ZNF438: variants seen among roughly 807,000 people sequenced by gnomAD.
ZNF438 encodes the protein zinc finger protein 438.
ZNF438 carries 25 observed loss-of-function variants against 38.0 expected under a neutral mutation model. The ratio of observed to expected loss-of-function variants is 0.66; its 90% confidence interval spans 0.48 to 0.92. ZNF438 has a LOEUF of 0.92. Among genes scored for constraint, ZNF438 ranks in the 40% least tolerant of loss-of-function variants. The pLI, the probability that ZNF438 is intolerant of heterozygous loss-of-function variation, is 0.00. For synonymous variants in ZNF438, 372 were observed against 364.1 expected (o/e 1.02, Z -0.25); for missense variants, 1,007 against 999.6 (o/e 1.01, Z -0.10).
chr10:30,945,815 G>C (rs1283612951), intron 1 of ZNF438, among the ~76,000 whole-genome samples: 2 of 107,370 alleles, frequency 1.9e-5, no homozygotes, highest in African/African-American at 7.4e-5. Context: ...TTGGACATTT[G>C]GGTTGGTTCC....
intron 2 of ZNF438, among the ~76,000 whole-genome samples, chr10:30,930,160 G>A (rs1589250378): frequency 6.6e-6 from 1 of 152,162 alleles, no homozygotes; most frequent in African/African-American, 2.4e-5. Context: ...GGTGGGGGCG[G>A]GGGTGGGGGG....
chr10:30,956,124 C>T (rs1294156886), intron 1 of ZNF438, among the ~76,000 whole-genome samples: 1 of 152,142 alleles, frequency 6.6e-6, no homozygotes, highest in Non-Finnish European at 1.5e-5. Flanking sequence ...GTTCATTTAA[C>T]ACAGTTATTC....
intron 3 of ZNF438, among the ~76,000 whole-genome samples, chr10:30,880,248 T>A (rs995392556): frequency 9.9e-5 from 15 of 151,846 alleles, no homozygotes; most frequent in Admixed American, 8.5e-4. Flanking sequence ...CTGACCAACA[T>A]GGAGAAACCC....
chr10:31,009,217 C>T (rs2055425956), intron 1 of ZNF438, among the ~76,000 whole-genome samples: 1 of 152,166 alleles, frequency 6.6e-6, no homozygotes, highest in Non-Finnish European at 1.5e-5. Context: ...CTCATCTAAC[C>T]TTAGTGCAGC....
At chr10:31,007,732 G>A (rs1197575898) in intron 1 of ZNF438, among the ~76,000 whole-genome samples, 6 of 152,152 alleles carry the variant, frequency 3.9e-5, no homozygotes, top group Non-Finnish European at 7.4e-5. Context: ...CTAGTATATA[G>A]GAAGCATTTA....
chr10:31,006,759 T>C (rs1378825474), intron 1 of ZNF438, among the ~76,000 whole-genome samples: 1 of 26,778 alleles, frequency 3.7e-5, no homozygotes, highest in Admixed American at 6.0e-4. Flanking sequence ...CAAAATGTCT[T>C]GGTGTGGTTG....
chr10:30,917,314 T>C (rs1398879090), intron 2 of ZNF438, among the ~76,000 whole-genome samples: 1 of 152,154 alleles, frequency 6.6e-6, no homozygotes, highest in African/African-American at 2.4e-5. Context: ...ATATTATGTA[T>C]GTACTTCTCA....
exon 5 of ZNF438, chr10:30,849,284 T>G: frequency 6.2e-7 from 1 of 1,614,174 alleles, no homozygotes; most frequent in Non-Finnish European, 8.5e-7. Context: ...ACTGTTCAGT[T>G]TTGTTTTGTG....
intron 4 of ZNF438, among the ~76,000 whole-genome samples, chr10:30,875,803 T>C (rs990876206): frequency 5.3e-5 from 8 of 152,262 alleles, no homozygotes; most frequent in African/African-American, 1.9e-4. Context: ...GGAGCATGTT[T>C]GGCCTTCCAA....
At chr10:30,845,384 C>A (rs1025000206) in exon 6 of ZNF438, 4 of 1,614,058 alleles carry the variant, frequency 2.5e-6, no homozygotes, top group Admixed American at 1.7e-5. Flanking sequence ...CTTCCTGAGT[C>A]CCCTTGCTTC....
chr10:30,988,458 T>G (rs964913441), intron 1 of ZNF438, among the ~76,000 whole-genome samples: 1 of 152,012 alleles, frequency 6.6e-6, no homozygotes, highest in African/African-American at 2.4e-5. Context: ...CCTTAGTACT[T>G]TCTAATCTCC....
chr10:30,870,364 C>T (rs1378513169), intron 4 of ZNF438, among the ~76,000 whole-genome samples: 1 of 152,080 alleles, frequency 6.6e-6, no homozygotes, highest in Non-Finnish European at 1.5e-5. Context: ...TGATGTCCTG[C>T]CTTCTTCTTT....
At chr10:30,995,645 C>T (rs2053970975) in intron 1 of ZNF438, among the ~76,000 whole-genome samples, 4 of 152,240 alleles carry the variant, frequency 2.6e-5, no homozygotes, top group African/African-American at 7.2e-5. Context: ...CTTCTCTTAA[C>T]TGATTTAAAG....
intron 2 of ZNF438, among the ~76,000 whole-genome samples, chr10:30,915,596 AT>A (rs1281390132): frequency 2.6e-5 from 4 of 151,814 alleles, no homozygotes; most frequent in Admixed American, 6.5e-5. Context: ...CGGCAAGTTA[AT>A]TTAATGAAAA....
intron 3 of ZNF438, among the ~76,000 whole-genome samples, chr10:30,877,290 A>G (rs1423572140): frequency 6.6e-6 from 1 of 152,204 alleles, no homozygotes; most frequent in African/African-American, 2.4e-5. Flanking sequence ...GACAGATGCA[A>G]TGACACATCA....
At chr10:30,950,472 A>G (rs563577613) in intron 1 of ZNF438, among the ~76,000 whole-genome samples, 18,804 of 150,544 alleles carry the variant, frequency 0.12, 1,549 homozygotes, top group Middle Eastern at 0.24. Context: ...TGGTTTTTTG[A>G]AAGGATCAAC....
intron 1 of ZNF438, among the ~76,000 whole-genome samples, chr10:30,977,690 G>A (rs1351050706): frequency 6.6e-6 from 1 of 152,164 alleles, no homozygotes; most frequent in Non-Finnish European, 1.5e-5. Flanking sequence ...CCTAAAGGAA[G>A]AAATAGATTC....
intron 1 of ZNF438, among the ~76,000 whole-genome samples, chr10:30,981,084 C>A (rs56258811): frequency 0.053 from 8,017 of 152,276 alleles, 252 homozygotes; most frequent in Non-Finnish European, 0.072. Flanking sequence ...AGTTGTCCAA[C>A]AGTTACCAGG....
intron 2 of ZNF438, among the ~76,000 whole-genome samples, chr10:30,933,239 G>T (rs896255857): frequency 6.6e-6 from 1 of 152,144 alleles, no homozygotes; most frequent in African/African-American, 2.4e-5. Flanking sequence ...ACAGCCAGGG[G>T]TGTTATAGGT....
Sources: allele counts gnomAD v4.1 joint callset (sites outside exome capture counted in the v4.1 genomes callset), GRCh38; gene constraint gnomAD v4.1.1; transcripts MANE v1.5; gene names NCBI Gene and HGNC (gene_info 2026-07-23, HGNC 2026-07-21).